TNNT3: variants seen among roughly 807,000 people sequenced by gnomAD.
TNNT3 encodes troponin T, fast skeletal muscle.
In TNNT3, 36 loss-of-function variants were observed where a neutral mutation model predicts 54.2. The ratio of observed to expected loss-of-function variants is 0.66; its 90% CI spans 0.51 to 0.88. TNNT3 has a LOEUF of 0.88. Ranked by LOEUF, TNNT3 falls within the 40% of genes least tolerant of loss-of-function variation. The probability of loss-of-function intolerance (pLI) is 0.00; values close to 1 mark genes in which losing one functional copy is unlikely to be tolerated. For synonymous variants in TNNT3, 120 were observed against 109.7 expected, an observed-to-expected ratio of 1.09 and a Z score of -0.59; for missense variants, 291 against 331.6, an observed-to-expected ratio of 0.88 and a Z score of 0.95.
rs1854482404 is a variant in TNNT3, at chr11:1,934,799, AACGAAGCCTCACC to A, written c.591-27_591-15del. On this transcript the variant is annotated splice_polypyrimidine_tract_variant and intron_variant, in intron 13 of 15. Transcript: ENST00000278317. ...CTGGCCCTGCCTTTGGGGCTTATTC[AACGAAGCCTCACC>A]ACTTCCTCTGCCCCAGGGACAAGGC... 1 of 1,610,060 alleles carries A rather than the reference AACGAAGCCTCACC, an allele frequency of 6.2e-7. No homozygotes were observed. Among genetic ancestry groups the A allele is most frequent in the Non-Finnish European group, 8.5e-7 (1 of 1,177,492 alleles).
Position 1,925,078 on chromosome 11 carries a change from C to T in TNNT3, c.50-21C>T, listed in dbSNP as rs771281977. On this transcript the variant is annotated intron_variant, in intron 4 of 15. Coordinates refer to ENST00000278317, the MANE Select transcript of TNNT3 (RefSeq NM_006757.4). ...TCCCTCAACCCCGCCTTCTCCTGCT[C>T]CTGGCTTCTCCGGCTCTCAGAGGAA... The T allele has an allele frequency of 8.7e-6, 14 of 1,612,272 alleles. No individual in the cohort carries two copies. In the East Asian group the frequency reaches 8.9e-5, roughly 10 times the overall value.
At chr11:1,937,346 G>A (rs980577660) in intron 15 of TNNT3, among the ~76,000 whole-genome samples, 15 of 152,242 alleles carry the variant, frequency 9.9e-5, no homozygotes, top group Admixed American at 9.8e-4. Context: ...CCTTTGGTGT[G>A]GCCAACCTGG....
At chr11:1,936,150 C>A in intron 14 of TNNT3, 3 of 1,594,056 alleles carry the variant, frequency 1.9e-6, no homozygotes, top group Non-Finnish European at 2.6e-6. Flanking sequence ...GCCAAGCTAG[C>A]CCACAGCCGG....
At chr11:1,924,917 G>C in intron 4 of TNNT3, 182 bp from the exon 5 acceptor site, 1 of 712,888 alleles carries the variant, frequency 1.4e-6, no homozygotes, top group Non-Finnish European at 2.5e-6. Context: ...CGTGCTCCCC[G>C]GGGCTGGCCA....
chr11:1,935,138 C>G, intron 14 of TNNT3: 3 of 624,404 alleles, frequency 4.8e-6, no homozygotes, highest in Non-Finnish European at 8.7e-6. Context: ...ATGCAGCGCC[C>G]TGAGCGATGA....
At chr11:1,929,007 C>T (rs1232262241) in intron 6 of TNNT3, 113 bp from the exon 7 acceptor site, 6 of 1,229,362 alleles carry the variant, frequency 4.9e-6, no homozygotes, top group Non-Finnish European at 7.1e-6. Context: ...AAGAGAGTGT[C>T]CGAGTGAGAG....
At chr11:1,920,410 G>A (rs1382244651) in intron 1 of TNNT3, among the ~76,000 whole-genome samples, 1 of 152,160 alleles carries the variant, frequency 6.6e-6, no homozygotes, top group African/African-American at 2.4e-5. Context: ...AAGAGTGAGG[G>A]GCTGGGCTTC....
chr11:1,925,401 C>T (rs2133291310), intron 5 of TNNT3: 1 of 1,070,950 alleles, frequency 9.3e-7, no homozygotes, highest in Middle Eastern at 2.9e-4. Context: ...AAGGGGCCCC[C>T]ACATGTGGCC....
intron 6 of TNNT3, 98 bp downstream of exon 6, chr11:1,926,807 A>G (rs905380212): frequency 2.0e-6 from 3 of 1,521,956 alleles, no homozygotes; most frequent in Non-Finnish European, 1.8e-6. Flanking sequence ...GACGTTTGCC[A>G]CCAACAACTG....
At position 1,938,445 on chromosome 11, in the gene TNNT3, A is replaced by C. The variant is rs1250963353; in HGVS notation, c.730A>C (p.Lys244Gln). The change falls in exon 16 of 16, where the codon AAG becomes CAG. Residue 244 changes from lysine to glutamine, a missense_variant. Coordinates refer to ENST00000278317, the MANE Select transcript of TNNT3 (RefSeq NM_006757.4). ...RIDQAQKHSK[K>Q]AGTPAKGKVG... ...CTTGCTTCCCATTTGCAGCAGCAAG[A>C]AGGCTGGGACCCCAGCCAAGGGCAA... 5 of 1,613,302 alleles carry C rather than the reference A, an allele frequency of 3.1e-6. No individual in the cohort carries two copies. Among genetic ancestry groups the C allele is most frequent in the Non-Finnish European group, 4.2e-6 (5 of 1,179,914 alleles).
At chr11:1,933,306 C>T (rs777449955) in intron 9 of TNNT3, among the ~76,000 whole-genome samples, 8 of 152,170 alleles carry the variant, frequency 5.3e-5, no homozygotes, top group Admixed American at 2.6e-4. Context: ...TCTCCATCCT[C>T]TCTCACTCAT....
intron 5 of TNNT3, among the ~76,000 whole-genome samples, chr11:1,925,847 G>A (rs1589910475): frequency 1.3e-5 from 2 of 152,312 alleles, no homozygotes; most frequent in African/African-American, 4.8e-5. Flanking sequence ...GGAGGGCTGG[G>A]GTCCCATGCC....
chr11:1,925,192 C>T, intron 5 of TNNT3, 76 bp downstream of exon 5: 1 of 1,601,980 alleles, frequency 6.2e-7, no homozygotes, highest in Admixed American at 1.7e-5. Context: ...GACCTCCACC[C>T]CGCCTCTAAG....
chr11:1,933,576 T>C (rs1187226624), intron 9 of TNNT3, 145 bp from the exon 10 acceptor site: 9 of 714,674 alleles, frequency 1.3e-5, no homozygotes, highest in Non-Finnish European at 2.3e-5. Flanking sequence ...AAAACATTCC[T>C]TGCCACTTGC....
chr11:1,929,731 G>T (rs375241620), intron 7 of TNNT3, 79 bp from the exon 8 acceptor site: 8 of 1,508,986 alleles, frequency 5.3e-6, no homozygotes, highest in Non-Finnish European at 7.2e-6. Flanking sequence ...GCCGCAGGCC[G>T]CCCAGTCTCA....
chr11:1,933,916 C>T lies in TNNT3; in HGVS notation c.289-15C>T, dbSNP rs772651855. Reference sequence around the variant, plus strand: ...CCGGGGACAGGGCTGAGCAGACCCCCTTCTCTGGCTGCAGGAGAAGCGCCG... The same window carrying T: ...CCGGGGACAGGGCTGAGCAGACCCCTTTCTCTGGCTGCAGGAGAAGCGCCG... On this transcript the variant is annotated splice_polypyrimidine_tract_variant and intron_variant, in intron 10 of 15. Transcript: ENST00000278317. The T allele has an allele frequency of 6.2e-7, 1 of 1,612,826 alleles. No homozygotes were observed. Among genetic ancestry groups the T allele is most frequent in the Non-Finnish European group, 8.5e-7 (1 of 1,180,012 alleles).
chr11:1,920,827 C>CCCAGCACACCCCTGCCA (rs1849934362), intron 1 of TNNT3, among the ~76,000 whole-genome samples: 1 of 152,076 alleles, frequency 6.6e-6, no homozygotes, highest in Non-Finnish European at 1.5e-5. Context: ...CACCCCTGCC[C>CCCAGCACACCCCTGCCA]CCAGCACACC....
intron 7 of TNNT3, among the ~76,000 whole-genome samples, chr11:1,929,433 C>T (rs544242706): frequency 4.6e-5 from 7 of 152,330 alleles, no homozygotes; most frequent in African/African-American, 1.7e-4. Context: ...GGCACGCCCC[C>T]CTCCCCTTTC....
At chr11:1,928,954 C>T (rs923799170) in intron 6 of TNNT3, 166 bp from the exon 7 acceptor site, 3 of 810,092 alleles carry the variant, frequency 3.7e-6, no homozygotes, top group Non-Finnish European at 6.4e-6. Flanking sequence ...TTCACCGGCC[C>T]CAGCTTGGGG....
Sources: allele counts gnomAD v4.1 joint callset (sites outside exome capture counted in the v4.1 genomes callset), GRCh38; gene constraint gnomAD v4.1.1; transcripts MANE v1.5; gene names NCBI Gene and HGNC (gene_info 2026-07-23, HGNC 2026-07-21).